GALNTL6: variants seen among roughly 807,000 people sequenced by gnomAD.
The protein encoded by GALNTL6 is polypeptide N-acetylgalactosaminyltransferase like 6.
GALNTL6 carries 46 observed loss-of-function variants against 73.7 expected under a neutral mutation model. That is an observed-to-expected ratio of 0.62 (90% CI 0.49 to 0.80). GALNTL6 has a LOEUF of 0.80. Among genes scored for constraint, GALNTL6 ranks in the 30% least tolerant of loss-of-function variants. GALNTL6 has a pLI of 0.00. For missense variants in GALNTL6, 604 were observed against 755.0 expected (o/e 0.80, Z 2.34); for synonymous variants, 259 against 263.7 (o/e 0.98, Z 0.17).
At chr4:172,783,019 T>C (rs570061959) in intron 5 of GALNTL6, among the ~76,000 whole-genome samples, 14 of 152,148 alleles carry the variant, frequency 9.2e-5, no homozygotes, top group Admixed American at 6.5e-4. Context: ...TCAGCTAAAG[T>C]GTGTCTTATT....
chr4:172,556,902 A>G (rs944445172), intron 5 of GALNTL6, among the ~76,000 whole-genome samples: 1 of 152,134 alleles, frequency 6.6e-6, no homozygotes, highest in African/African-American at 2.4e-5. Flanking sequence ...GCATGCTTCC[A>G]AAATACTAGG....
chr4:173,008,395 C>T (rs1752389557), intron 10 of GALNTL6, among the ~76,000 whole-genome samples: 1 of 152,224 alleles, frequency 6.6e-6, no homozygotes, highest in African/African-American at 2.4e-5. Context: ...ATTATCAACA[C>T]ATTCTTTGCC....
chr4:172,152,040 A>C (rs1476173635), intron 2 of GALNTL6, among the ~76,000 whole-genome samples: 3 of 151,570 alleles, frequency 2.0e-5, no homozygotes, highest in Non-Finnish European at 2.9e-5. Flanking sequence ...GCAGTGGTGA[A>C]ATCTCAGCTT....
chr4:172,690,768 C>T (rs1038645409), intron 5 of GALNTL6, among the ~76,000 whole-genome samples: 6 of 152,198 alleles, frequency 3.9e-5, no homozygotes, highest in Non-Finnish European at 7.3e-5. Flanking sequence ...ATTTAACTAA[C>T]CAAACCATAG....
chr4:172,956,491 C>T (rs955788270), intron 10 of GALNTL6, among the ~76,000 whole-genome samples: 3 of 152,076 alleles, frequency 2.0e-5, no homozygotes, highest in Admixed American at 6.5e-5. Flanking sequence ...TCAAGAGTGG[C>T]GGTTTGGGGA....
intron 2 of GALNTL6, among the ~76,000 whole-genome samples, chr4:171,832,779 G>A (rs546669550): frequency 1.1e-4 from 17 of 151,696 alleles, no homozygotes; most frequent in African/African-American, 4.1e-4. Flanking sequence ...AAGCAAAAGA[G>A]TCATAAAGTT....
intron 5 of GALNTL6, among the ~76,000 whole-genome samples, chr4:172,594,808 T>C (rs1348757334): frequency 6.6e-6 from 1 of 152,228 alleles, no homozygotes; most frequent in African/African-American, 2.4e-5. Context: ...ATAGTACAAA[T>C]CTAAACATGC....
intron 5 of GALNTL6, among the ~76,000 whole-genome samples, chr4:172,548,089 C>G (rs555091597): frequency 6.6e-6 from 1 of 152,210 alleles, no homozygotes; most frequent in South Asian, 2.1e-4. Flanking sequence ...TAAAATGAGT[C>G]CTACAGAACA....
intron 8 of GALNTL6, among the ~76,000 whole-genome samples, chr4:172,883,116 T>C (rs1745547107): frequency 6.6e-6 from 1 of 152,176 alleles, no homozygotes. Context: ...ATTTGTGGGG[T>C]ACATGTGAAA....
chr4:172,571,831 A>T (rs1736772771), intron 5 of GALNTL6, among the ~76,000 whole-genome samples: 2 of 152,210 alleles, frequency 1.3e-5, no homozygotes, highest in African/African-American at 4.8e-5. Flanking sequence ...CTCCGAAGCC[A>T]TGCCCCAGGC....
At chr4:172,409,470 G>A (rs1462290248) in intron 5 of GALNTL6, among the ~76,000 whole-genome samples, 10 of 151,980 alleles carry the variant, frequency 6.6e-5, no homozygotes, top group Admixed American at 6.6e-4. Flanking sequence ...ATTAGCCTCT[G>A]TACTGCTTTG....
intron 2 of GALNTL6, among the ~76,000 whole-genome samples, chr4:172,058,161 C>G (rs1321068301): frequency 2.9e-5 from 2 of 68,612 alleles, no homozygotes; most frequent in African/African-American, 9.2e-5. Flanking sequence ...GTTGTACAGA[C>G]CAGTGCCCAA....
chr4:172,280,232 T>C (rs534272232), intron 3 of GALNTL6, among the ~76,000 whole-genome samples: 1 of 152,314 alleles, frequency 6.6e-6, no homozygotes, highest in South Asian at 2.1e-4. Flanking sequence ...TTTTACAGTA[T>C]ATGTATTTTA....
rs566054504 is a variant in GALNTL6, at chr4:171,929,215, C to T, written c.138+114497C>T. Among the ~76,000 whole-genome samples the T allele has an allele frequency of 6.4e-3, 974 of 152,168 alleles. 11 individuals are homozygous for T. Among genetic ancestry groups the T allele is most frequent in the African/African-American group, 0.023 (941 of 41,512 alleles). ...CCAAGTAGCTGGGACTAGAGGCCCA[C>T]GCCACCATGCCCAGCTAATTTTTTA... On this transcript the variant is annotated intron_variant, in intron 2 of 12. Coordinates refer to ENST00000506823, the MANE Select transcript of GALNTL6 (RefSeq NM_001034845.3).
intron 5 of GALNTL6, among the ~76,000 whole-genome samples, chr4:172,356,210 C>CT (rs1742149058): frequency 6.6e-6 from 1 of 152,098 alleles, no homozygotes; most frequent in South Asian, 2.1e-4. Context: ...ATTTATTTTT[C>CT]TTTCAGACAG....
chr4:172,545,690 G>C (rs909520748), intron 5 of GALNTL6: 2 of 152,206 alleles, frequency 1.3e-5, no homozygotes, highest in Admixed American at 1.3e-4. Context: ...ATCCAGCATG[G>C]TGCCAGCACG....
chr4:172,636,842 A>G lies in GALNTL6; in HGVS notation c.554-172519A>G, dbSNP rs190323180. Among the ~76,000 whole-genome samples the G allele has an allele frequency of 9.1e-4, 139 of 152,328 alleles. 1 individual carries two copies. Among genetic ancestry groups the G allele is most frequent in the African/African-American group, 3.0e-3 (126 of 41,586 alleles). Reference sequence around the variant, plus strand: ...GTGGAATAAAACACAACTTCTATTTATCCTGACAGATATTAAAGAACATAA... The same window carrying G: ...GTGGAATAAAACACAACTTCTATTTGTCCTGACAGATATTAAAGAACATAA... On this transcript the variant is annotated intron_variant, in intron 5 of 12. Transcript: ENST00000506823.
At chr4:172,496,238 C>A (rs1226943039) in intron 5 of GALNTL6, among the ~76,000 whole-genome samples, 1 of 152,158 alleles carries the variant, frequency 6.6e-6, no homozygotes, top group Non-Finnish European at 1.5e-5. Flanking sequence ...CCAGTATGTA[C>A]TTTGACCTTA....
intron 2 of GALNTL6, among the ~76,000 whole-genome samples, chr4:172,229,224 G>C (rs956723807): frequency 1.3e-5 from 2 of 152,132 alleles, no homozygotes; most frequent in African/African-American, 4.8e-5. Context: ...TTCAATGAAT[G>C]GTTGCTAATG....
Sources: gnomAD v4.1 joint callset for allele counts (sites outside exome capture counted in the v4.1 genomes callset) on GRCh38, gnomAD v4.1.1 for gene constraint, MANE v1.5 for transcripts, NCBI Gene and HGNC (gene_info 2026-07-23, HGNC 2026-07-21) for gene names.